Variants in FBXL17 observed in about 807,000 individuals in gnomAD.
FBXL17 encodes the protein F-box/LRR-repeat protein 17.
FBXL17 carries 22 observed loss-of-function variants against 66.2 expected under a neutral mutation model. The observed-to-expected ratio is 0.33, with a 90% CI of 0.24 to 0.47. The LOEUF (loss-of-function observed/expected upper bound fraction) is 0.47. Ranked by LOEUF, FBXL17 falls within the 20% of genes least tolerant of loss-of-function variation. The probability of loss-of-function intolerance (pLI) is 1.00; values close to 1 mark genes in which losing one functional copy is unlikely to be tolerated. For synonymous variants in FBXL17, 474 were observed against 400.5 expected (o/e 1.18, Z -2.19); for missense variants, 878 against 948.2 (o/e 0.93, Z 0.97).
At chr5:107,918,613 T>C (rs1347604185) in intron 7 of FBXL17, among the ~76,000 whole-genome samples, 2 of 152,232 alleles carry the variant, frequency 1.3e-5, no homozygotes, top group East Asian at 3.8e-4. Context: ...GCTTTCTATA[T>C]ACATAAACAC....
chr5:108,322,526 T>C (rs1759667049), intron 4 of FBXL17, among the ~76,000 whole-genome samples: 1 of 151,998 alleles, frequency 6.6e-6, no homozygotes. Context: ...ATTTTTTTCA[T>C]ATTTTCATAA....
intron 6 of FBXL17, among the ~76,000 whole-genome samples, chr5:108,106,288 A>C (rs1463726528): frequency 6.6e-6 from 1 of 152,212 alleles, no homozygotes; most frequent in Non-Finnish European, 1.5e-5. Context: ...AATGTGTAGA[A>C]ATTAGACTCT....
intron 3 of FBXL17, among the ~76,000 whole-genome samples, chr5:108,362,757 TAAAC>T (rs1748423125): frequency 6.6e-6 from 1 of 152,078 alleles, no homozygotes; most frequent in Non-Finnish European, 1.5e-5. Flanking sequence ...ACTGTTTTTG[TAAAC>T]AAACTGACAG....
intron 4 of FBXL17, among the ~76,000 whole-genome samples, chr5:108,249,673 T>C (rs946496892): frequency 6.6e-6 from 1 of 152,168 alleles, no homozygotes; most frequent in African/African-American, 2.4e-5. Flanking sequence ...CTTCTGGGTT[T>C]GGCCTCAGTT....
chr5:108,283,685 CTTAA>C (rs775006880), intron 4 of FBXL17, among the ~76,000 whole-genome samples: 2 of 151,654 alleles, frequency 1.3e-5, no homozygotes, highest in African/African-American at 2.4e-5. Context: ...ATGAATGTGA[CTTAA>C]TTAAACTAAA....
intron 6 of FBXL17, among the ~76,000 whole-genome samples, chr5:108,074,658 C>G (rs1400035915): frequency 6.6e-6 from 1 of 152,180 alleles, no homozygotes; most frequent in Non-Finnish European, 1.5e-5. Flanking sequence ...TCTCTTCTGC[C>G]TTTTCTGTCT....
chr5:108,283,396 A>G (rs946425758), intron 4 of FBXL17, among the ~76,000 whole-genome samples: 4 of 151,900 alleles, frequency 2.6e-5, no homozygotes, highest in African/African-American at 9.7e-5. Context: ...AAAGCCACAT[A>G]TTTATATTCA....
At chr5:107,897,322 C>G (rs1010451395) in intron 7 of FBXL17, among the ~76,000 whole-genome samples, 1 of 152,044 alleles carries the variant, frequency 6.6e-6, no homozygotes, top group Non-Finnish European at 1.5e-5. Context: ...CTGTTTTGTG[C>G]AAATGTAGTT....
At chr5:108,042,758 GA>G (rs1747101039) in intron 6 of FBXL17, among the ~76,000 whole-genome samples, 1 of 152,164 alleles carries the variant, frequency 6.6e-6, no homozygotes, top group African/African-American at 2.4e-5. Context: ...GAAGACAAAT[GA>G]CCAGGAGTGC....
intron 6 of FBXL17, among the ~76,000 whole-genome samples, chr5:108,162,620 A>G (rs1314527250): frequency 1.3e-5 from 2 of 152,220 alleles, no homozygotes; most frequent in Non-Finnish European, 2.9e-5. Flanking sequence ...GGCACAAAAC[A>G]GTGATATGTG....
At chr5:108,293,775 T>A (rs1758219588) in intron 4 of FBXL17, among the ~76,000 whole-genome samples, 1 of 152,044 alleles carries the variant, frequency 6.6e-6, no homozygotes, top group Admixed American at 6.6e-5. Flanking sequence ...GCGTGGTGGT[T>A]CATGCCTGTA....
intron 7 of FBXL17, among the ~76,000 whole-genome samples, chr5:107,983,359 T>G (rs1472160217): frequency 6.7e-6 from 1 of 148,278 alleles, no homozygotes; most frequent in Non-Finnish European, 1.5e-5. Context: ...GCCCAGCTAA[T>G]TTTTTTTTTT....
chr5:107,964,763 T>G (rs1752054447), intron 7 of FBXL17, among the ~76,000 whole-genome samples: 1 of 152,114 alleles, frequency 6.6e-6, no homozygotes, highest in Non-Finnish European at 1.5e-5. Context: ...AGACAAAAGC[T>G]CTAAGAACTC....
intron 1 of FBXL17, among the ~76,000 whole-genome samples, chr5:108,376,769 C>T (rs891143330): frequency 6.7e-6 from 1 of 148,498 alleles, no homozygotes; most frequent in African/African-American, 2.5e-5. Flanking sequence ...TTTTGGATAA[C>T]ATAGCCAGTG....
chr5:108,140,487 T>G (rs1751308186), intron 6 of FBXL17, among the ~76,000 whole-genome samples: 1 of 152,228 alleles, frequency 6.6e-6, no homozygotes, highest in East Asian at 1.9e-4. Context: ...TCTCTTCCTT[T>G]GGCCTCAGGT....
intron 6 of FBXL17, among the ~76,000 whole-genome samples, chr5:108,090,905 A>T (rs1749163471): frequency 6.8e-6 from 1 of 147,846 alleles, no homozygotes. Flanking sequence ...TGTATTTTAT[A>T]GGTTAAACAT....
At chr5:108,103,342 TG>T (rs1749671934) in intron 6 of FBXL17, among the ~76,000 whole-genome samples, 1 of 152,236 alleles carries the variant, frequency 6.6e-6, no homozygotes. Flanking sequence ...TGCTTTCCAG[TG>T]GCATAAAGAA....
intron 7 of FBXL17, among the ~76,000 whole-genome samples, chr5:107,991,386 T>TG (rs1005274568): frequency 2.0e-5 from 3 of 152,128 alleles, no homozygotes; most frequent in South Asian, 2.1e-4. Context: ...TATCCTCTTT[T>TG]GGGGGGTGGG....
chr5:107,884,794 T>C (rs1050033259), intron 7 of FBXL17, among the ~76,000 whole-genome samples: 19 of 152,194 alleles, frequency 1.2e-4, no homozygotes, highest in South Asian at 2.1e-4. Flanking sequence ...CCTGTCTACT[T>C]CATGAGATTG....
Sources: gnomAD v4.1 joint callset for allele counts (sites outside exome capture counted in the v4.1 genomes callset) on GRCh38, gnomAD v4.1.1 for gene constraint, MANE v1.5 for transcripts, NCBI Gene and HGNC (gene_info 2026-07-23, HGNC 2026-07-21) for gene names.